CDH12: variants seen among roughly 807,000 people sequenced by gnomAD.
The protein encoded by CDH12 is cadherin-12.
A neutral mutation model predicts 74.1 loss-of-function variants in CDH12; 41 were observed. That is an observed-to-expected ratio of 0.55 (90% CI 0.43 to 0.72). The LOEUF (loss-of-function observed/expected upper bound fraction) is 0.72. CDH12 is among the 30% of genes least tolerant of loss of function. CDH12 has a pLI of 0.00. For missense variants in CDH12, 945 were observed against 977.2 expected, an observed-to-expected ratio of 0.97 and a Z score of 0.44; for synonymous variants, 399 against 355.0, an observed-to-expected ratio of 1.12 and a Z score of -1.39.
intron 8 of CDH12, among the ~76,000 whole-genome samples, chr5:21,827,528 C>A (rs1748748075): frequency 6.6e-6 from 1 of 152,142 alleles, no homozygotes; most frequent in Non-Finnish European, 1.5e-5. Context: ...TTCTTCCTTT[C>A]TTCTTACAAA....
chr5:22,406,215 G>A (rs1742933139), intron 2 of CDH12, among the ~76,000 whole-genome samples: 1 of 152,116 alleles, frequency 6.6e-6, no homozygotes, highest in Admixed American at 6.5e-5. Context: ...TTCCTAGGTT[G>A]GCAAGTCGAG....
chr5:22,720,189 G>A (rs950639822), intron 1 of CDH12, among the ~76,000 whole-genome samples: 3 of 152,100 alleles, frequency 2.0e-5, no homozygotes, highest in Admixed American at 6.6e-5. Flanking sequence ...TGATTGAATC[G>A]TGGGGGGCAG....
intron 3 of CDH12, among the ~76,000 whole-genome samples, chr5:22,391,259 A>C (rs1742236558): frequency 6.6e-6 from 1 of 152,214 alleles, no homozygotes; most frequent in African/African-American, 2.4e-5. Flanking sequence ...CTCTGGGAAA[A>C]GCATTCCAAA....
At chr5:22,111,540 A>G (rs973692205) in intron 4 of CDH12, among the ~76,000 whole-genome samples, 1 of 152,176 alleles carries the variant, frequency 6.6e-6, no homozygotes, top group Non-Finnish European at 1.5e-5. Context: ...TTACATAATC[A>G]TATTCTGCCC....
chr5:22,126,604 C>T (rs1580292207), intron 4 of CDH12, among the ~76,000 whole-genome samples: 1 of 152,148 alleles, frequency 6.6e-6, no homozygotes, highest in African/African-American at 2.4e-5. Context: ...TTTACTATAG[C>T]CATTTCTTGT....
At chr5:21,880,873 A>G (rs1404774432) in intron 6 of CDH12, among the ~76,000 whole-genome samples, 1 of 151,836 alleles carries the variant, frequency 6.6e-6, no homozygotes, top group Non-Finnish European at 1.5e-5. Context: ...TGTTCTGAAG[A>G]GTGGGATTTT....
intron 1 of CDH12, among the ~76,000 whole-genome samples, chr5:22,526,143 C>T (rs944463321): frequency 7.9e-5 from 12 of 151,932 alleles, no homozygotes; most frequent in Admixed American, 1.3e-4. Context: ...TACTGACATT[C>T]GGTGTTTTAT....
intron 5 of CDH12, among the ~76,000 whole-genome samples, chr5:21,980,683 T>A (rs1179360446): frequency 6.6e-6 from 1 of 152,148 alleles, no homozygotes; most frequent in Non-Finnish European, 1.5e-5. Context: ...TTTCTGAGAA[T>A]AAAGTATATG....
chr5:22,143,694 G>A (rs537985116), intron 4 of CDH12: 1 of 152,134 alleles, frequency 6.6e-6, no homozygotes, highest in South Asian at 2.1e-4. Context: ...GTTCAAAAAT[G>A]TTCTGCTCTG....
chr5:21,860,946 A>C (rs776110010), intron 6 of CDH12, among the ~76,000 whole-genome samples: 1 of 151,998 alleles, frequency 6.6e-6, no homozygotes, highest in Non-Finnish European at 1.5e-5. Flanking sequence ...TCATACATAC[A>C]TCGATCCATT....
chr5:22,128,387 A>C (rs1580294890), intron 4 of CDH12, among the ~76,000 whole-genome samples: 1 of 151,780 alleles, frequency 6.6e-6, no homozygotes, highest in South Asian at 2.1e-4. Context: ...AAGAAAATAT[A>C]ATCCTAAGAG....
At chr5:22,087,590 G>A (rs533318729) in intron 4 of CDH12, among the ~76,000 whole-genome samples, 27 of 152,040 alleles carry the variant, frequency 1.8e-4, no homozygotes, top group Admixed American at 8.5e-4. Flanking sequence ...GCAGTGCGCC[G>A]CAATCATGCC....
chr5:22,197,047 A>G (rs1750658617), intron 4 of CDH12, among the ~76,000 whole-genome samples: 1 of 152,182 alleles, frequency 6.6e-6, no homozygotes, highest in African/African-American at 2.4e-5. Context: ...TCTACCCCTG[A>G]ACTTAAAATA....
At chr5:21,974,666 T>A (rs949015147) in intron 6 of CDH12, among the ~76,000 whole-genome samples, 3 of 152,182 alleles carry the variant, frequency 2.0e-5, no homozygotes, top group African/African-American at 4.8e-5. Flanking sequence ...CACACCTGTT[T>A]CCGGACCACT....
intron 1 of CDH12, among the ~76,000 whole-genome samples, chr5:22,815,775 A>T (rs1749360652): frequency 1.3e-5 from 2 of 149,568 alleles, no homozygotes; most frequent in South Asian, 4.2e-4. Context: ...GTCTCAAAAA[A>T]AAAAAAAAAA....
chr5:22,130,086 A>G (rs1212987458), intron 4 of CDH12, among the ~76,000 whole-genome samples: 1 of 151,120 alleles, frequency 6.6e-6, no homozygotes, highest in Non-Finnish European at 1.5e-5. Flanking sequence ...TTGAGATACC[A>G]TATTTTGCCA....
intron 12 of CDH12, among the ~76,000 whole-genome samples, chr5:21,761,805 T>C (rs954429487): frequency 1.3e-5 from 2 of 151,760 alleles, no homozygotes; most frequent in African/African-American, 4.8e-5. Flanking sequence ...ACTGGGACCT[T>C]GGATATCCAG....
chr5:22,198,246 C>T (rs1488469249), intron 4 of CDH12, among the ~76,000 whole-genome samples: 1 of 151,916 alleles, frequency 6.6e-6, no homozygotes, highest in Non-Finnish European at 1.5e-5. Flanking sequence ...ACCCCAAAAA[C>T]GTACTGATAG....
chr5:21,969,713 G>GT (rs1756746875), intron 6 of CDH12, among the ~76,000 whole-genome samples: 1 of 152,172 alleles, frequency 6.6e-6, no homozygotes, highest in East Asian at 1.9e-4. Context: ...AGTATCTGCT[G>GT]TTTTACACTG....
Sources: gnomAD v4.1 joint callset for allele counts (sites outside exome capture counted in the v4.1 genomes callset) on GRCh38, gnomAD v4.1.1 for gene constraint, MANE v1.5 for transcripts, NCBI Gene and HGNC (gene_info 2026-07-23, HGNC 2026-07-21) for gene names.